The following ZC3H18 variants were observed in gnomAD, a reference collection of about 807,000 sequenced individuals.
The protein encoded by ZC3H18 is zinc finger CCCH domain-containing protein 18.
Under a neutral mutation model 106.1 loss-of-function variants are expected in ZC3H18, and 8 were observed. That is an observed-to-expected ratio of 0.08 (90% CI 0.04 to 0.14). The LOEUF (loss-of-function observed/expected upper bound fraction) is 0.14, where lower values mean the gene tolerates loss of function less well. ZC3H18 is among the 10% of genes least tolerant of loss of function. The pLI is 1.00. For missense variants in ZC3H18, 1,318 were observed against 1,278.4 expected, an observed-to-expected ratio of 1.03 and a Z score of -0.47; for synonymous variants, 635 against 522.1, an observed-to-expected ratio of 1.22 and a Z score of -2.95.
rs200034191 is a variant in ZC3H18, at chr16:88,627,821, G to A, written c.2269+39G>A. On this transcript the variant is annotated intron_variant, in intron 14 of 17. Coordinates refer to ENST00000301011, the MANE Select transcript of ZC3H18 (RefSeq NM_144604.4). This position sits in a 1 kb window ranked among gnomAD's most constrained non-coding sequence, Gnocchi z 4.5. ...CTGGTACCTTTGGGGAGCAGCTCCCGGGGGAGGAGGGCGGCATCAGCACAG... is the reference window on the plus strand; with the variant it reads ...CTGGTACCTTTGGGGAGCAGCTCCCAGGGGAGGAGGGCGGCATCAGCACAG... The A allele has an allele frequency of 3.2e-5, 51 of 1,609,802 alleles. No individual in the cohort carries two copies. Among genetic ancestry groups the A allele is most frequent in the Middle Eastern group, 1.7e-4 (1 of 6,052 alleles).
intron 2 of ZC3H18, among the ~76,000 whole-genome samples, chr16:88,583,736 C>T (rs1375229084): frequency 6.6e-6 from 1 of 152,218 alleles, no homozygotes; most frequent in Non-Finnish European, 1.5e-5. Context: ...TGTGTCTCCT[C>T]ACACTCACCC....
At chr16:88,630,766 A>G (rs9788821) in intron 17 of ZC3H18, among the ~76,000 whole-genome samples, 185 bp downstream of exon 17, 2 of 62,234 alleles carry the variant, frequency 3.2e-5, no homozygotes, top group African/African-American at 5.5e-5. Context: ...ACCCCCCCCC[A>G]CACACACACA....
intron 6 of ZC3H18, among the ~76,000 whole-genome samples, chr16:88,607,249 T>C (rs1465369060): frequency 1.3e-5 from 2 of 152,230 alleles, no homozygotes; most frequent in African/African-American, 4.8e-5. Context: ...CCGGTTTTCA[T>C]GTGCTGCGAT....
intron 8 of ZC3H18, among the ~76,000 whole-genome samples, chr16:88,613,436 G>A (rs530463863): frequency 6.6e-6 from 1 of 152,304 alleles, no homozygotes; most frequent in South Asian, 2.1e-4. Flanking sequence ...GTTGTGCAGA[G>A]CAGCTGCACC....
At chr16:88,600,458 G>A (rs541284090) in intron 6 of ZC3H18, among the ~76,000 whole-genome samples, 3 of 152,280 alleles carry the variant, frequency 2.0e-5, no homozygotes, top group Non-Finnish European at 4.4e-5. Context: ...TGTCGCCCAA[G>A]CTGGAGTGCA....
chr16:88,600,109 A>G, intron 6 of ZC3H18, among the ~76,000 whole-genome samples, 161 bp downstream of exon 6: 2 of 152,172 alleles, frequency 1.3e-5, no homozygotes, highest in East Asian at 1.9e-4. Flanking sequence ...CACGGTTCTC[A>G]GAGCTCATCT....
intron 7 of ZC3H18, 70 bp from the exon 8 acceptor site, chr16:88,611,198 C>T (rs1905251945): frequency 9.9e-6 from 7 of 707,644 alleles, no homozygotes; most frequent in Non-Finnish European, 1.6e-5. Flanking sequence ...GGTGTTGGAG[C>T]CAAGGCTTTC....
chr16:88,570,674 G>A (rs1472254862), intron 1 of ZC3H18, 108 bp downstream of exon 1: 8 of 150,950 alleles, frequency 5.3e-5, no homozygotes, highest in Admixed American at 4.6e-4. Flanking sequence ...GGAGCCCGGC[G>A]CGCCTCCGGC....
At chr16:88,582,691 C>A (rs754380797) in intron 2 of ZC3H18, among the ~76,000 whole-genome samples, 1 of 152,174 alleles carries the variant, frequency 6.6e-6, no homozygotes, top group African/African-American at 2.4e-5. Flanking sequence ...TGCCCCTTAG[C>A]GTGGTTAGTG....
intron 3 of ZC3H18, among the ~76,000 whole-genome samples, chr16:88,594,210 A>G (rs992041882): frequency 1.3e-5 from 2 of 152,190 alleles, no homozygotes; most frequent in Non-Finnish European, 2.9e-5. Context: ...GCAAAAAGGC[A>G]AAGAATGCTA....
At chr16:88,575,715 T>C (rs961589860) in intron 1 of ZC3H18, among the ~76,000 whole-genome samples, 2 of 151,900 alleles carry the variant, frequency 1.3e-5, no homozygotes, top group African/African-American at 4.8e-5. Context: ...TCTTTTTTTG[T>C]TTTTTGAGTT....
At chr16:88,575,956 G>A (rs759261883) in intron 1 of ZC3H18, among the ~76,000 whole-genome samples, 9 of 152,016 alleles carry the variant, frequency 5.9e-5, no homozygotes, top group Non-Finnish European at 1.0e-4. Context: ...GCTGGAGTGC[G>A]GTGGCGCGAT....
intron 16 of ZC3H18, 43 bp downstream of exon 16, chr16:88,628,897 G>T (rs1567601476): frequency 3.7e-6 from 6 of 1,605,618 alleles, no homozygotes; most frequent in Middle Eastern, 1.7e-4. Context: ...AGGGACGGGA[G>T]CCTGGGGATG....
At chr16:88,600,352 G>A (rs946732018) in intron 6 of ZC3H18, among the ~76,000 whole-genome samples, 2 of 152,196 alleles carry the variant, frequency 1.3e-5, no homozygotes, top group Non-Finnish European at 2.9e-5. Flanking sequence ...CGGCCTCTTC[G>A]CTGTCAGGGC....
chr16:88,624,955 A>G (rs751232066), intron 12 of ZC3H18, among the ~76,000 whole-genome samples: 37 of 152,338 alleles, frequency 2.4e-4, no homozygotes, highest in Middle Eastern at 3.4e-3. Flanking sequence ...GGGAAGGGAC[A>G]GCGTGGCACG....
At chr16:88,618,171 G>A (rs56048642) in intron 8 of ZC3H18, among the ~76,000 whole-genome samples, 10,250 of 152,036 alleles carry the variant, frequency 0.067, 456 homozygotes, top group Non-Finnish European at 0.1. Flanking sequence ...CACTCAGGTC[G>A]TCCATTGGAC....
chr16:88,611,373 C>A lies in ZC3H18; in HGVS notation c.1312C>A (p.Arg438=). Reference sequence around the variant, plus strand: ...CCGGCAGAGGGAGCGCGAGCGAGAGCGGGAGCGCGAGCGCGACAAGGAGCG... The same window carrying A: ...CCGGCAGAGGGAGCGCGAGCGAGAGAGGGAGCGCGAGCGCGACAAGGAGCG... The part of the protein sequence containing the change: ...ERRQRERERE[R]ERERDKERQR... Residue 438 remains arginine, a synonymous_variant, in exon 8 of 18, where the codon CGG becomes AGG. Transcript: ENST00000301011. 3.0e-6 allele frequency: 3 copies of A among 1,003,400 alleles called. No homozygotes were observed. The highest frequency in any genetic ancestry group is 2.6e-4 in the Middle Eastern group (1 of 3,880). 62.2% of individuals were successfully genotyped at this position (1,003,400 alleles called of 1,614,324 possible).
intron 8 of ZC3H18, among the ~76,000 whole-genome samples, chr16:88,617,244 T>G (rs988337115): frequency 6.6e-6 from 1 of 150,900 alleles, no homozygotes; most frequent in African/African-American, 2.4e-5. Context: ...CGTCGGGATC[T>G]CATCCCCATC....
rs577814750 is a variant in ZC3H18, at chr16:88,630,767, C to G, written c.2663+186C>G. ...CAGCCCCACCCCCCACCCCCCCCCA[C>G]ACACACACACACGCTCCTGCCCTGG... On this transcript the variant is annotated intron_variant, in intron 17 of 17. Transcript: ENST00000301011. Among the ~76,000 whole-genome samples, 50 of 89,576 alleles carry G rather than the reference C, an allele frequency of 5.6e-4. 4 individuals carry two copies. Among genetic ancestry groups the G allele is most frequent in the African/African-American group, 1.0e-3 (25 of 24,782 alleles). 58.8% of individuals were successfully genotyped at this position (89,576 alleles called of 152,430 possible).
Sources: gnomAD v4.1 joint callset for allele counts (sites outside exome capture counted in the v4.1 genomes callset) on GRCh38, gnomAD v4.1.1 for gene constraint, Gnocchi (gnomAD v3.1) non-coding constraint, MANE v1.5 for transcripts, NCBI Gene and HGNC (gene_info 2026-07-23, HGNC 2026-07-21) for gene names.